PRKN: variants seen among roughly 807,000 people sequenced by gnomAD.
The protein encoded by PRKN is E3 ubiquitin-protein ligase parkin.
Under a neutral mutation model 59.5 loss-of-function variants are expected in PRKN, and 56 were observed. That is an observed-to-expected ratio of 0.94 (90% confidence interval 0.76 to 1.18). The LOEUF (loss-of-function observed/expected upper bound fraction) is 1.18, where lower values mean the gene tolerates loss of function less well. Ranked by LOEUF, PRKN falls within the 50% of genes most tolerant of loss-of-function variation. PRKN has a pLI of 0.00. For missense variants in PRKN, 657 were observed against 596.4 expected, an observed-to-expected ratio of 1.10 and a Z score of -1.06; for synonymous variants, 250 against 222.1, an observed-to-expected ratio of 1.13 and a Z score of -1.12.
chr6:161,432,728 A>C (rs956347527), intron 9 of PRKN, among the ~76,000 whole-genome samples: 14 of 151,886 alleles, frequency 9.2e-5, no homozygotes, highest in African/African-American at 3.1e-4. Flanking sequence ...TAAATATTTT[A>C]CCTTTTCTAT....
intron 5 of PRKN, among the ~76,000 whole-genome samples, chr6:162,020,112 G>T (rs1423373979): frequency 6.6e-6 from 1 of 152,028 alleles, no homozygotes; most frequent in African/African-American, 2.4e-5. Context: ...TGTAACCTGT[G>T]CTCAAAGTTG....
At chr6:161,699,987 G>C (rs1296800367) in intron 7 of PRKN, among the ~76,000 whole-genome samples, 5 of 152,056 alleles carry the variant, frequency 3.3e-5, no homozygotes, top group Non-Finnish European at 5.9e-5. Flanking sequence ...TGCAGGGTCT[G>C]CAGTCATGGG....
At chr6:162,542,010 G>T (rs991008110) in intron 1 of PRKN, among the ~76,000 whole-genome samples, 9 of 152,086 alleles carry the variant, frequency 5.9e-5, no homozygotes, top group African/African-American at 2.2e-4. Flanking sequence ...GTTGTGTTTG[G>T]TGAGTTTGTT....
chr6:162,398,306 G>A (rs915378364), intron 2 of PRKN, among the ~76,000 whole-genome samples: 2 of 151,926 alleles, frequency 1.3e-5, no homozygotes, highest in Admixed American at 1.3e-4. Flanking sequence ...ATCATAGGTA[G>A]TTATAATGTT....
At chr6:162,461,574 A>G (rs1791180081) in intron 1 of PRKN, among the ~76,000 whole-genome samples, 1 of 150,144 alleles carries the variant, frequency 6.7e-6, no homozygotes, top group Admixed American at 6.6e-5. Flanking sequence ...AGAGACCAGC[A>G]CTTTGGGAGG....
chr6:162,421,198 C>A (rs1180743459), intron 2 of PRKN, among the ~76,000 whole-genome samples: 2 of 152,172 alleles, frequency 1.3e-5, no homozygotes, highest in Non-Finnish European at 2.9e-5. Flanking sequence ...TTATCAATAA[C>A]CCTCCATCAG....
intron 2 of PRKN, among the ~76,000 whole-genome samples, chr6:162,389,583 C>T (rs1787055757): frequency 6.6e-6 from 1 of 152,186 alleles, no homozygotes; most frequent in Non-Finnish European, 1.5e-5. Flanking sequence ...TAATCATTTA[C>T]CAATTTCTTG....
chr6:162,371,073 C>T (rs931787431), intron 2 of PRKN, among the ~76,000 whole-genome samples: 5 of 152,150 alleles, frequency 3.3e-5, no homozygotes, highest in East Asian at 1.9e-4. Flanking sequence ...AGAAGGCCAT[C>T]GTGGGAAGGT....
intron 1 of PRKN, among the ~76,000 whole-genome samples, chr6:162,620,072 G>A (rs1441719189): frequency 2.0e-5 from 3 of 151,214 alleles, no homozygotes; most frequent in Admixed American, 6.6e-5. Flanking sequence ...TGCTTTGCAC[G>A]TGCATTCTGC....
chr6:162,207,415 AT>A (rs1344269724), intron 3 of PRKN, among the ~76,000 whole-genome samples: 2 of 152,092 alleles, frequency 1.3e-5, no homozygotes, highest in Non-Finnish European at 2.9e-5. Flanking sequence ...CCATTTCACC[AT>A]TATGCAGGTT....
chr6:161,450,268 AC>A (rs1789669936), intron 9 of PRKN, among the ~76,000 whole-genome samples: 1 of 152,088 alleles, frequency 6.6e-6, no homozygotes, highest in Admixed American at 6.5e-5. Context: ...GGCATGCAGG[AC>A]CCCTGCTGCA....
At chr6:162,668,097 T>G (rs1186445413) in intron 1 of PRKN, among the ~76,000 whole-genome samples, 2 of 152,218 alleles carry the variant, frequency 1.3e-5, no homozygotes, top group African/African-American at 4.8e-5. Context: ...AAAAATATTC[T>G]TTGAACCATT....
At chr6:161,656,102 T>C (rs1025114304) in intron 7 of PRKN, among the ~76,000 whole-genome samples, 4 of 152,190 alleles carry the variant, frequency 2.6e-5, no homozygotes, top group African/African-American at 9.6e-5. Context: ...TCGGGTAACT[T>C]TGGAGCTTGT....
chr6:161,377,114 A>G lies in PRKN; in HGVS notation c.1167+9680T>C, dbSNP rs1206946553. ...GGTGTCTGTGGAGGGAAAAGAGGTC[A>G]CGTGGGGCTACCTGCGGGCCAATAA... On this transcript the variant is annotated intron_variant, in intron 10 of 11. Coordinates refer to ENST00000366898, the MANE Select transcript of PRKN (RefSeq NM_004562.3). This position sits in a 1 kb window ranked among gnomAD's most constrained non-coding sequence, Gnocchi z 4.2. Among the ~76,000 whole-genome samples the G allele has an allele frequency of 2.0e-5, 3 of 152,210 alleles. No individual in the cohort carries two copies. The highest frequency in any genetic ancestry group is 4.4e-5 in the Non-Finnish European group (3 of 68,038).
chr6:161,606,330 T>G (rs923068138), intron 7 of PRKN, among the ~76,000 whole-genome samples: 8 of 152,082 alleles, frequency 5.3e-5, no homozygotes, highest in African/African-American at 1.9e-4. Context: ...TAGGTAGCAT[T>G]GAGAGGAGTT....
chr6:161,694,362 ATGT>A, intron 7 of PRKN, among the ~76,000 whole-genome samples: 1 of 152,200 alleles, frequency 6.6e-6, no homozygotes, highest in Non-Finnish European at 1.5e-5. Context: ...ACTTCACATA[ATGT>A]TGTCCTTTTA....
intron 2 of PRKN, among the ~76,000 whole-genome samples, chr6:162,294,455 C>T (rs1781573467): frequency 6.6e-6 from 1 of 152,110 alleles, no homozygotes; most frequent in African/African-American, 2.4e-5. Flanking sequence ...GCAAGAAATA[C>T]AAATTGTGGA....
intron 4 of PRKN, among the ~76,000 whole-genome samples, chr6:162,171,039 A>T (rs1783247655): frequency 6.6e-6 from 1 of 152,094 alleles, no homozygotes; most frequent in South Asian, 2.1e-4. Context: ...GATTTTCATG[A>T]TATACTAAGT....
At position 162,061,005 on chromosome 6, in the gene PRKN, T is replaced by C. The variant is rs1279335529; in HGVS notation, c.535-6831A>G. 5.9e-5 allele frequency among the ~76,000 whole-genome samples: 9 copies of C among 152,346 alleles called. No homozygotes were observed. The East Asian group carries it at 1.5e-3, about 26-fold the overall frequency. On this transcript the variant is annotated intron_variant, in intron 4 of 11. Transcript: ENST00000366898. Reference sequence around the variant, plus strand: ...TAATACAACAACAGCAAAACTATCTTGAAAAAGCTGTACCCAGAAGCTTGA... The same window carrying C: ...TAATACAACAACAGCAAAACTATCTCGAAAAAGCTGTACCCAGAAGCTTGA...
Sources: gnomAD v4.1 joint callset for allele counts (sites outside exome capture counted in the v4.1 genomes callset) on GRCh38, gnomAD v4.1.1 for gene constraint, Gnocchi (gnomAD v3.1) non-coding constraint, MANE v1.5 for transcripts, NCBI Gene and HGNC (gene_info 2026-07-23, HGNC 2026-07-21) for gene names.